The following HECTD2 variants were observed in gnomAD, a reference collection of about 807,000 sequenced individuals.
HECTD2 encodes HECT domain E3 ubiquitin protein ligase 2.
Under a neutral mutation model 103.2 loss-of-function variants are expected in HECTD2, and 35 were observed. That is an observed-to-expected ratio of 0.34 (90% CI 0.26 to 0.45). The LOEUF (loss-of-function observed/expected upper bound fraction) is 0.45, where lower values mean the gene tolerates loss of function less well. Among genes scored for constraint, HECTD2 ranks in the 20% least tolerant of loss-of-function variants. The probability of loss-of-function intolerance (pLI) is 1.00; values close to 1 mark genes in which losing one functional copy is unlikely to be tolerated. For synonymous variants in HECTD2, 281 were observed against 329.9 expected (o/e 0.85, Z 1.61); for missense variants, 596 against 937.4 (o/e 0.64, Z 4.76).
intron 20 of HECTD2, among the ~76,000 whole-genome samples, chr10:91,509,275 TAAAA>T (rs1197446422): frequency 2.7e-5 from 4 of 150,680 alleles, no homozygotes; most frequent in African/African-American, 4.9e-5. Flanking sequence ...AAAGTATAAT[TAAAA>T]AAAATAAATT....
intron 11 of HECTD2, chr10:91,488,271 G>A (rs1846337193): frequency 6.5e-6 from 1 of 152,974 alleles, no homozygotes; most frequent in Non-Finnish European, 1.5e-5. Flanking sequence ...TGTTTTATTG[G>A]TTCTTAGGAA....
intron 2 of HECTD2, 107 bp from the exon 3 acceptor site, chr10:91,460,320 T>C: frequency 9.8e-7 from 1 of 1,019,480 alleles, no homozygotes; most frequent in South Asian, 1.8e-5. Context: ...GTGAATGTAA[T>C]ACAAAATAAT....
Position 91,496,299 on chromosome 10 carries a change from T to G in HECTD2, c.1607T>G (p.Ile536Ser). Residue 536 changes from isoleucine to serine, a missense_variant, in exon 15 of 21, where the codon ATC becomes AGC. Coordinates refer to ENST00000298068, the MANE Select transcript of HECTD2 (RefSeq NM_182765.6). ...TACAAGAAATTATTGAGCCCTCCCATCATTCCTAGTGATCAAAATATACCA... is the reference window on the plus strand; with the variant it reads ...TACAAGAAATTATTGAGCCCTCCCAGCATTCCTAGTGATCAAAATATACCA... ...CCYKKLLSPP[I>S]IPSDQNIPVG... is the part of the protein sequence containing the mutation. 1 of 1,612,356 alleles carries G rather than the reference T, an allele frequency of 6.2e-7. No homozygotes were observed. Among genetic ancestry groups the G allele is most frequent in the Non-Finnish European group, 8.5e-7 (1 of 1,178,514 alleles).
chr10:91,505,336 TAA>T (rs1847109804), intron 20 of HECTD2, among the ~76,000 whole-genome samples: 1 of 151,784 alleles, frequency 6.6e-6, no homozygotes, highest in South Asian at 2.1e-4. Context: ...GCAAATTGGA[TAA>T]AGAGTCAAGA....
At chr10:91,507,054 G>T (rs1362969133) in intron 20 of HECTD2, among the ~76,000 whole-genome samples, 1 of 152,098 alleles carries the variant, frequency 6.6e-6, no homozygotes, top group Non-Finnish European at 1.5e-5. Context: ...TGCAGAAAAG[G>T]CCTTTGACAA....
At chr10:91,498,519 CA>C (rs1173363554) in intron 16 of HECTD2, among the ~76,000 whole-genome samples, 4 of 152,096 alleles carry the variant, frequency 2.6e-5, no homozygotes, top group Non-Finnish European at 4.4e-5. Flanking sequence ...TGAGTCAGAC[CA>C]AAACTCTCTG....
intron 2 of HECTD2, among the ~76,000 whole-genome samples, chr10:91,430,816 G>A (rs1564703377): frequency 1.3e-5 from 2 of 151,980 alleles, no homozygotes; most frequent in South Asian, 4.2e-4. Flanking sequence ...ACACTGATGG[G>A]TCTTGACTCT....
At chr10:91,460,626 TTAATA>T in intron 3 of HECTD2, 61 bp downstream of exon 3, 2 of 1,458,668 alleles carry the variant, frequency 1.4e-6, no homozygotes, top group Non-Finnish European at 9.2e-7. Flanking sequence ...TTTACATAAT[TTAATA>T]TCTTTATTTG....
At chr10:91,459,735 C>T (rs1446164935) in intron 2 of HECTD2, among the ~76,000 whole-genome samples, 2 of 152,072 alleles carry the variant, frequency 1.3e-5, no homozygotes, top group Non-Finnish European at 2.9e-5. Flanking sequence ...GAATAGACCA[C>T]ATGTATGACA....
At chr10:91,472,311 CAAATT>C (rs771759157) in intron 5 of HECTD2, among the ~76,000 whole-genome samples, 2 of 152,194 alleles carry the variant, frequency 1.3e-5, no homozygotes, top group African/African-American at 2.4e-5. Context: ...CAACTCAAGA[CAAATT>C]AAAGACTTTA....
chr10:91,479,941 T>C lies in HECTD2; in HGVS notation c.666-1153T>C, dbSNP rs74546958. Among the ~76,000 whole-genome samples the C allele has an allele frequency of 2.8e-3, 421 of 152,290 alleles. 2 individuals carry two copies. The highest frequency in any genetic ancestry group is 9.8e-3 in the African/African-American group (406 of 41,582). Reference sequence around the variant, plus strand: ...TATTTTTATTTATCCTTTTATAAGTTTTCCACCTACTTTTGCCATTTTTTA... The same window carrying C: ...TATTTTTATTTATCCTTTTATAAGTCTTCCACCTACTTTTGCCATTTTTTA... On this transcript the variant is annotated intron_variant, in intron 6 of 20. Transcript: ENST00000298068.
intron 2 of HECTD2, among the ~76,000 whole-genome samples, chr10:91,437,510 T>G (rs1844169557): frequency 6.6e-6 from 1 of 152,016 alleles, no homozygotes; most frequent in African/African-American, 2.4e-5. Flanking sequence ...CTGGCTTATA[T>G]TCAAAGGGAG....
At chr10:91,463,080 G>A (rs750091897) in intron 5 of HECTD2, 1 of 149,092 alleles carries the variant, frequency 6.7e-6, no homozygotes, top group Non-Finnish European at 1.5e-5. Context: ...AGGGTTAGGG[G>A]CGCTAACCCC....
chr10:91,487,914 CA>C lies in HECTD2; in HGVS notation c.1191+141del, dbSNP rs1358582780. The C allele has an allele frequency of 1.3e-5, 7 of 524,356 alleles. No homozygotes were observed. In the East Asian group the frequency reaches 2.2e-4, roughly 16 times the overall value. 32.5% of individuals were successfully genotyped at this position (524,356 alleles called of 1,614,324 possible). A position where few individuals can be genotyped will look rare whatever the true frequency, so the allele number is the denominator to read the frequency against. On this transcript the variant is annotated intron_variant, in intron 11 of 20. Coordinates refer to ENST00000298068, the MANE Select transcript of HECTD2 (RefSeq NM_182765.6). This position sits in a 1 kb window ranked among gnomAD's most constrained non-coding sequence, Gnocchi z 4.1. ...AAGCAAAATTCGTGTTATACTCACCCAAAAAGTGCTTAAAAACTATTTACAA... is the reference window on the plus strand; with the variant it reads ...AAGCAAAATTCGTGTTATACTCACCCAAAAGTGCTTAAAAACTATTTACAA...
chr10:91,467,815 G>A (rs762589145), intron 5 of HECTD2, among the ~76,000 whole-genome samples: 1 of 152,034 alleles, frequency 6.6e-6, no homozygotes, highest in African/African-American at 2.4e-5. Context: ...GCCCCCACTG[G>A]CATGTGGGCA....
chr10:91,490,950 C>T (rs1589537657), intron 11 of HECTD2, among the ~76,000 whole-genome samples: 1 of 121,904 alleles, frequency 8.2e-6, no homozygotes, highest in South Asian at 2.9e-4. Flanking sequence ...TGTGATGCAA[C>T]ATTTTTTATT....
At chr10:91,414,792 G>A (rs1444717673) in intron 1 of HECTD2, among the ~76,000 whole-genome samples, 1 of 152,196 alleles carries the variant, frequency 6.6e-6, no homozygotes, top group Non-Finnish European at 1.5e-5. Flanking sequence ...GTAATAAAGC[G>A]AGCCCAGTGG....
Position 91,425,304 on chromosome 10 carries a change from C to T in HECTD2, c.162C>T (p.Gly54=). Residue 54 remains glycine, a synonymous_variant, in exon 2 of 21, where the codon GGC becomes GGT. Transcript: ENST00000298068. ...ATAGLDRGAK[G]QISTFSSFIS... ...AGGGTTTGGACAGAGGAGCCAAAGG[C>T]CAAATTTCCACTTTCAGCAGTTTTA... 1 of 1,544,010 alleles carries T rather than the reference C, an allele frequency of 6.5e-7. No individual in the cohort carries two copies. Among genetic ancestry groups the T allele is most frequent in the South Asian group, 1.3e-5 (1 of 78,874 alleles).
chr10:91,450,218 C>G (rs1301451131), intron 2 of HECTD2, among the ~76,000 whole-genome samples: 1 of 152,036 alleles, frequency 6.6e-6, no homozygotes, highest in Non-Finnish European at 1.5e-5. Context: ...AGAAATAATG[C>G]CACACATCTA....
Sources: gnomAD v4.1 joint callset for allele counts (sites outside exome capture counted in the v4.1 genomes callset) on GRCh38, gnomAD v4.1.1 for gene constraint, Gnocchi (gnomAD v3.1) non-coding constraint, MANE v1.5 for transcripts, NCBI Gene and HGNC (gene_info 2026-07-23, HGNC 2026-07-21) for gene names.